Variants in TSPAN11 observed in about 807,000 individuals in gnomAD.
TSPAN11 encodes the protein tetraspanin 11, also known as tetraspanin-11.
TSPAN11 carries 29 observed loss-of-function variants against 32.9 expected under a neutral mutation model. The observed-to-expected ratio is 0.88, with a 90% CI of 0.66 to 1.20. The LOEUF (loss-of-function observed/expected upper bound fraction) is 1.20. TSPAN11 is among the 50% of genes most tolerant of loss of function. TSPAN11 has a pLI of 0.00. For synonymous variants in TSPAN11, 140 were observed against 141.3 expected (o/e 0.99, Z 0.07); for missense variants, 283 against 329.1 (o/e 0.86, Z 1.08).
intron 2 of TSPAN11, among the ~76,000 whole-genome samples, chr12:30,956,148 G>C (rs1423165743): frequency 6.6e-6 from 1 of 152,222 alleles, no homozygotes; most frequent in Non-Finnish European, 1.5e-5. Context: ...ACCTAAAAAG[G>C]CATCTGGGAC....
chr12:31,013,590 AAAAAC>A, the TSPAN11 span, among the ~76,000 whole-genome samples: 12,630 of 147,252 alleles, frequency 0.086, 684 homozygotes, highest in Middle Eastern at 0.13. Flanking sequence ...TCCTGTCTCA[AAAAAC>A]AAAACAAAAC....
intron 1 of TSPAN11, among the ~76,000 whole-genome samples, chr12:30,941,798 C>T (rs1382131896): frequency 6.6e-5 from 10 of 152,270 alleles, no homozygotes; most frequent in Admixed American, 6.5e-4. Flanking sequence ...CCTGGGGGCA[C>T]CTCTTCCAAC....
intron 5 of TSPAN11, 21 bp from the exon 6 acceptor site, chr12:30,982,511 T>C: frequency 3.8e-6 from 6 of 1,593,424 alleles, no homozygotes; most frequent in Non-Finnish European, 5.2e-6. Flanking sequence ...CTCCAGCCTC[T>C]GCCTCTGCCT....
chr12:30,971,394 C>G (rs1188603281), intron 3 of TSPAN11, among the ~76,000 whole-genome samples: 2 of 152,086 alleles, frequency 1.3e-5, no homozygotes, highest in African/African-American at 4.8e-5. Context: ...GTGAATGTGC[C>G]CCAAAATCTC....
In TSPAN11 at chr12:30,965,395, A is replaced by T. The variant is rs117786619; in HGVS notation, c.276+1378A>T. Among the ~76,000 whole-genome samples, 52 of 152,214 alleles carry T rather than the reference A, an allele frequency of 3.4e-4. 1 individual carries two copies. The East Asian group carries it at 9.5e-3, about 28-fold the overall frequency. The stretch of plus-strand genomic sequence containing the variant: ...CCTGCCTCCTTCCTTCCGTCGGGTC[A>T]TCTTGTTTAGAGAGGACAGGACTCA... On this transcript the variant is annotated intron_variant, in intron 3 of 7. Transcript: ENST00000546076.
At chr12:30,973,386 C>T (rs1436744901) in intron 3 of TSPAN11, among the ~76,000 whole-genome samples, 3 of 152,214 alleles carry the variant, frequency 2.0e-5, no homozygotes, top group African/African-American at 7.2e-5. Context: ...TGGGCTGTTA[C>T]TGTTACATGT....
intron 5 of TSPAN11, among the ~76,000 whole-genome samples, chr12:30,982,269 A>T (rs1939106819): frequency 6.6e-6 from 1 of 152,160 alleles, no homozygotes; most frequent in Non-Finnish European, 1.5e-5. Flanking sequence ...CACCCAGCAT[A>T]ATCTCCTTAA....
At chr12:30,977,354 T>C (rs1004560644) in intron 3 of TSPAN11, among the ~76,000 whole-genome samples, 1 of 152,180 alleles carries the variant, frequency 6.6e-6, no homozygotes, top group Non-Finnish European at 1.5e-5. Context: ...GGGTGAGCCC[T>C]AGAGTCTCAG....
chr12:30,953,866 C>T lies in TSPAN11; in HGVS notation c.-11-115C>T, dbSNP rs1454119762. 8 of 693,632 alleles carry T rather than the reference C, an allele frequency of 1.2e-5. No homozygotes were observed. In the East Asian group the frequency reaches 1.3e-4, roughly 12 times the overall value. 43.0% of individuals were successfully genotyped at this position (693,632 alleles called of 1,614,324 possible). A position where few individuals can be genotyped will look rare whatever the true frequency, so the allele number is the denominator to read the frequency against. The stretch of plus-strand genomic sequence containing the variant: ...TGCACATGCAGAGCCTCAAAGCCCC[C>T]GGCAGATAGGTTAATGAGCCCTTTG... On this transcript the variant is annotated intron_variant, in intron 1 of 7. Coordinates refer to ENST00000546076, the MANE Select transcript of TSPAN11 (RefSeq NM_001370302.1).
intron 3 of TSPAN11, among the ~76,000 whole-genome samples, chr12:30,966,127 CA>C (rs1471671419): frequency 6.6e-6 from 1 of 151,594 alleles, no homozygotes; most frequent in Non-Finnish European, 1.5e-5. Context: ...CTGCACACAA[CA>C]ACAGGAGGTG....
intron 2 of TSPAN11, among the ~76,000 whole-genome samples, chr12:30,956,914 T>C (rs1299347327): frequency 6.6e-6 from 1 of 152,238 alleles, no homozygotes; most frequent in African/African-American, 2.4e-5. Flanking sequence ...CCAGAAGCTG[T>C]GTCCTGCCCT....
chr12:30,951,625 AAGCACTTAGTTC>A, intron 1 of TSPAN11, among the ~76,000 whole-genome samples: 1 of 152,326 alleles, frequency 6.6e-6, no homozygotes, highest in African/African-American at 2.4e-5. Context: ...AATGAGTGTA[AAGCACTTAGTTC>A]TGTACCTGGC....
intron 7 of TSPAN11, among the ~76,000 whole-genome samples, chr12:30,983,789 A>C (rs1385638872): frequency 1.3e-5 from 2 of 152,184 alleles, no homozygotes; most frequent in African/African-American, 4.8e-5. Flanking sequence ...TGTATGAGGT[A>C]GTATAAGTAG....
chr12:30,969,060 G>A (rs1255432969), intron 3 of TSPAN11, among the ~76,000 whole-genome samples: 1 of 152,136 alleles, frequency 6.6e-6, no homozygotes, highest in African/African-American at 2.4e-5. Flanking sequence ...GTAAAAATGT[G>A]GCTCTAATGA....
At chr12:30,999,275 G>A (rs1004309819), downstream of TSPAN11, 1 of 151,822 alleles carries the variant, frequency 6.6e-6, no homozygotes, top group African/African-American at 2.4e-5. Context: ...TTGCACCACT[G>A]TACTCCAGTC....
intron 2 of TSPAN11, among the ~76,000 whole-genome samples, chr12:30,957,446 G>C (rs76988795): frequency 6.6e-6 from 1 of 152,070 alleles, no homozygotes; most frequent in Non-Finnish European, 1.5e-5. Flanking sequence ...CTTGCTTCCC[G>C]GCCAAGCAGC....
chr12:30,934,401 C>A (rs1014749098), intron 1 of TSPAN11, among the ~76,000 whole-genome samples: 1 of 152,186 alleles, frequency 6.6e-6, no homozygotes, highest in Non-Finnish European at 1.5e-5. Context: ...TCCATTCTCA[C>A]GCTGCTGATA....
rs187428782 is a variant in TSPAN11, at chr12:30,995,039, G to A, written c.*3124G>A. On this transcript the variant is annotated 3_prime_UTR_variant, in exon 8 of 8. Coordinates refer to ENST00000546076, the MANE Select transcript of TSPAN11 (RefSeq NM_001370302.1). ...AAGCAGCACCCATGGCACATGGGCCGGGGGTGCAGAAGCCTGGCTTATTTC... is the reference window on the plus strand; with the variant it reads ...AAGCAGCACCCATGGCACATGGGCCAGGGGTGCAGAAGCCTGGCTTATTTC... 2.0e-5 allele frequency: 3 copies of A among 152,374 alleles called. No homozygotes were observed. Among genetic ancestry groups the A allele is most frequent in the Non-Finnish European group, 2.9e-5 (2 of 68,068 alleles). The allele number at this position is 152,374 out of a possible 1,614,324, so 9.4% of individuals were successfully genotyped here.
intron 3 of TSPAN11, among the ~76,000 whole-genome samples, chr12:30,973,473 GTTA>G (rs1267048960): frequency 6.6e-6 from 1 of 152,168 alleles, no homozygotes; most frequent in East Asian, 1.9e-4. Context: ...CCAAGAAAGG[GTTA>G]TTTTTTTTTC....
Sources: allele counts gnomAD v4.1 joint callset (sites outside exome capture counted in the v4.1 genomes callset), GRCh38; gene constraint gnomAD v4.1.1; transcripts MANE v1.5; gene names NCBI Gene and HGNC (gene_info 2026-07-23, HGNC 2026-07-21).